MED24: variants seen among roughly 807,000 people sequenced by gnomAD.
MED24 encodes mediator complex subunit 24.
In MED24, 74 loss-of-function variants were observed where a neutral mutation model predicts 118.8. That is an observed-to-expected ratio of 0.62 (90% CI 0.52 to 0.76). The LOEUF (loss-of-function observed/expected upper bound fraction) is 0.76, where lower values mean the gene tolerates loss of function less well. Ranked by LOEUF, MED24 falls within the 30% of genes least tolerant of loss-of-function variation. The pLI, the probability that MED24 is intolerant of heterozygous loss-of-function variation, is 0.00. For missense variants in MED24, 1,041 were observed against 1,278.9 expected, an observed-to-expected ratio of 0.81 and a Z score of 2.84; for synonymous variants, 521 against 523.9, an observed-to-expected ratio of 0.99 and a Z score of 0.08.
intron 3 of MED24, among the ~76,000 whole-genome samples, chr17:40,050,642 C>T (rs1307858223): frequency 1.3e-5 from 2 of 151,994 alleles, no homozygotes; most frequent in Non-Finnish European, 2.9e-5. Flanking sequence ...TCAAATACCA[C>T]ATATTCTCAC....
At chr17:40,035,989 C>T in intron 4 of MED24, 127 bp downstream of exon 4, 1 of 1,212,264 alleles carries the variant, frequency 8.2e-7, no homozygotes, top group Non-Finnish European at 1.2e-6. Flanking sequence ...CATGGAAGTC[C>T]AGCAATGCCA....
chr17:40,035,344 T>G lies in MED24; in HGVS notation c.332A>C (p.His111Pro). The G allele has an allele frequency of 6.3e-7, 1 of 1,583,972 alleles. No homozygotes were observed. Among genetic ancestry groups the G allele is most frequent in the Non-Finnish European group, 8.6e-7 (1 of 1,160,492 alleles). The part of the protein sequence containing the change: ...MDMFCDRLSC[H>P]GKAEECIGLC... ...TCCGATGCATTCCTCTGCTTTGCCG[T>G]GACAGCTACAGGGAAGGATGCAAAA... Residue 111 changes from histidine (H) to proline (P), a missense_variant, in exon 6 of 26, where the codon CAC (histidine) becomes CCC (proline). Coordinates refer to ENST00000394128, the MANE Select transcript of MED24 (RefSeq NM_014815.4).
intron 3 of MED24, among the ~76,000 whole-genome samples, chr17:40,051,375 G>T (rs1291810641): frequency 6.6e-6 from 1 of 152,084 alleles, no homozygotes; most frequent in Non-Finnish European, 1.5e-5. Context: ...CAGCACTTTG[G>T]GAGGCCGAGG....
intron 4 of MED24, 89 bp from the exon 5 acceptor site, chr17:40,035,884 T>A (rs11078935): frequency 3.1e-6 from 4 of 1,290,234 alleles, no homozygotes; most frequent in South Asian, 2.6e-5. Context: ...GGACTCCTGC[T>A]CCTCTCTCCT....
At chr17:40,039,679 C>T (rs955951248) in intron 3 of MED24, among the ~76,000 whole-genome samples, 2 of 152,072 alleles carry the variant, frequency 1.3e-5, no homozygotes, top group Admixed American at 1.3e-4. Context: ...GGGTCTCGCT[C>T]TGTCACCCAG....
At chr17:40,040,871 C>T (rs986916515) in intron 3 of MED24, among the ~76,000 whole-genome samples, 3 of 152,150 alleles carry the variant, frequency 2.0e-5, no homozygotes, top group Non-Finnish European at 4.4e-5. Flanking sequence ...CCTTGGCCTC[C>T]CAAAGTGCTG....
intron 23 of MED24, chr17:40,021,329 T>G (rs898708978): frequency 1.3e-5 from 2 of 152,292 alleles, no homozygotes; most frequent in African/African-American, 2.4e-5. Flanking sequence ...CTAGCATCTT[T>G]CTTCTGATCA....
intron 3 of MED24, among the ~76,000 whole-genome samples, chr17:40,043,894 A>AAAAAAAAAAAAAAAAAAC (rs1984842621): frequency 6.6e-6 from 1 of 150,782 alleles, no homozygotes; most frequent in African/African-American, 2.4e-5. Context: ...CCATCTCAAA[A>AAAAAAAAAAAAAAAAAAC]AAAAAAAAAA....
chr17:40,035,628 G>A (rs1272185305), intron 5 of MED24, 94 bp downstream of exon 5: 21 of 1,373,918 alleles, frequency 1.5e-5, no homozygotes, highest in Middle Eastern at 3.8e-4. Context: ...GTTGGAACCC[G>A]GAGTTGGTCT....
intron 3 of MED24, among the ~76,000 whole-genome samples, chr17:40,043,471 G>A (rs533794839): frequency 1.3e-5 from 2 of 152,230 alleles, no homozygotes; most frequent in Admixed American, 6.5e-5. Context: ...GTGGTGGGCT[G>A]GACAGGAGAA....
At chr17:40,053,435 C>A in intron 2 of MED24, 34 bp downstream of exon 2, 1 of 1,613,726 alleles carries the variant, frequency 6.2e-7, no homozygotes, top group Non-Finnish European at 8.5e-7. Context: ...CTGGGTTTAT[C>A]CCTCCCATCT....
At chr17:40,038,009 C>A (rs1325853539) in intron 3 of MED24, among the ~76,000 whole-genome samples, 1 of 152,096 alleles carries the variant, frequency 6.6e-6, no homozygotes, top group East Asian at 1.9e-4. Context: ...AACTTTACCA[C>A]AGAACTTCTC....
intron 11 of MED24, 99 bp downstream of exon 11, chr17:40,031,439 C>G: frequency 2.2e-6 from 3 of 1,346,752 alleles, no homozygotes; most frequent in Non-Finnish European, 3.1e-6. Context: ...GGGGAGTGAA[C>G]AAGGAGACAG....
chr17:40,035,275 C>A lies in MED24; in HGVS notation c.401G>T (p.Cys134Phe). Residue 134 changes from cysteine (C) to phenylalanine (F), a missense_variant, in exon 6 of 26, where the codon TGC (cysteine) becomes TTC (phenylalanine). By Grantham distance (205) the Cys-to-Phe change is radical. Around this residue, in one of 3 missense-constraint regions of MED24, gnomAD observed 434 missense variants for 514.9 expected, o/e 0.84. Transcript: ENST00000394128. ...CAGCCGCTCTGCAGAGGCTGCCGTG[C>A]AGCGCAGCAGCCAGTGGAGGGCGCT... ...LLSALHWLLRCTAASAERLRE... is the reference protein window; with the variant it reads ...LLSALHWLLRFTAASAERLRE... 1.9e-6 allele frequency: 3 copies of A among 1,613,186 alleles called. No individual in the cohort carries two copies. Among genetic ancestry groups the A allele is most frequent in the Non-Finnish European group, 2.5e-6 (3 of 1,179,504 alleles).
chr17:40,022,043 G>A lies in MED24; in HGVS notation c.2535C>T (p.Ser845=), dbSNP rs1982079393. ...RHREDIEDYI[S]LFPLDDVQPS... is the part of the protein sequence containing the mutation. ...GCTGCACATCGTCCAGGGGGAAGAG[G>A]CTGATATAATCCTAGAGGGAGTGAA... is the stretch of plus-strand genomic sequence containing the variant. Residue 845 remains serine (S), a synonymous_variant, in exon 23 of 26, where the codon AGC becomes AGT. Transcript: ENST00000394128. The A allele has an allele frequency of 6.2e-7, 1 of 1,608,188 alleles. No homozygotes were observed. Among genetic ancestry groups the A allele is most frequent in the Admixed American group, 1.7e-5 (1 of 59,042 alleles).
At chr17:40,020,708 G>A in intron 23 of MED24, 1 of 361,812 alleles carries the variant, frequency 2.8e-6, no homozygotes, top group South Asian at 2.1e-5. Context: ...CTTGAGCCTA[G>A]GAGAACAAGG....
Position 40,019,578 on chromosome 17 carries a change from C to G in MED24, c.2921G>C (p.Ser974Thr), listed in dbSNP as rs754274831. The G allele has an allele frequency of 1.2e-6, 2 of 1,612,388 alleles. No homozygotes were observed. Among genetic ancestry groups the G allele is most frequent in the South Asian group, 2.2e-5 (2 of 90,906 alleles). The change falls in exon 26 of 26, where the codon AGC becomes ACC. Residue 974 changes from serine to threonine, a missense_variant. Ser to Thr is a moderately conservative substitution (Grantham distance 58). This residue lies in a region of MED24 where 587 missense variants were observed against 694.4 expected (regional missense o/e 0.85). Transcript: ENST00000394128. ...PKVVLAITDL[S>T]LPLGRQVAAK... is the part of the protein sequence containing the mutation. ...AGCCACCTGGCGGCCCAGGGGCAGG[C>G]TGAGGTCCGTGATGGCCAGAACCAC...
At position 40,022,494 on chromosome 17, in the gene MED24, G is replaced by A; in HGVS notation, c.2433-10C>T. On this transcript the variant is annotated splice_polypyrimidine_tract_variant and intron_variant, in intron 21 of 25. Coordinates refer to ENST00000394128, the MANE Select transcript of MED24 (RefSeq NM_014815.4). ...ACACCACACGGCCAGCCTGGCAAAGGGTTCCAGAAAAAGGGGGACAGTGAG... is the reference window on the plus strand; with the variant it reads ...ACACCACACGGCCAGCCTGGCAAAGAGTTCCAGAAAAAGGGGGACAGTGAG... 1 of 1,604,844 alleles carries A rather than the reference G, an allele frequency of 6.2e-7. No homozygotes were observed. The highest frequency in any genetic ancestry group is 1.3e-5 in the African/African-American group (1 of 74,930).
At chr17:40,020,588 G>A (rs1362388775) in intron 23 of MED24, 3 of 828,828 alleles carry the variant, frequency 3.6e-6, no homozygotes, top group Non-Finnish European at 5.6e-6. Flanking sequence ...AGGAGTTTGA[G>A]ACCAGCCTTG....
Sources: allele counts gnomAD v4.1 joint callset (sites outside exome capture counted in the v4.1 genomes callset), GRCh38; gene constraint gnomAD v4.1.1; regional missense constraint gnomAD v4.1.1; transcripts MANE v1.5; gene names NCBI Gene and HGNC (gene_info 2026-07-23, HGNC 2026-07-21).